The following DCLK1 variants were observed in gnomAD, a reference collection of about 807,000 sequenced individuals.
DCLK1 encodes the protein doublecortin like kinase 1.
In DCLK1, 16 loss-of-function variants were observed where a neutral mutation model predicts 86.2. The ratio of observed to expected loss-of-function variants is 0.19; its 90% CI spans 0.13 to 0.28. The LOEUF (loss-of-function observed/expected upper bound fraction) is 0.28. Ranked by LOEUF, DCLK1 falls within the 10% of genes least tolerant of loss-of-function variation. The pLI, the probability that DCLK1 is intolerant of heterozygous loss-of-function variation, is 1.00. For synonymous variants in DCLK1, 369 were observed against 370.5 expected (o/e 1.00, Z 0.05); for missense variants, 590 against 940.2 (o/e 0.63, Z 4.87).
chr13:35,907,236 C>T (rs919293994), intron 4 of DCLK1, among the ~76,000 whole-genome samples: 3 of 152,146 alleles, frequency 2.0e-5, no homozygotes, highest in Admixed American at 6.5e-5. Context: ...AATCATGGCT[C>T]ACTGCTCACT....
intron 4 of DCLK1, among the ~76,000 whole-genome samples, chr13:35,897,726 A>T (rs1172012563): frequency 6.6e-6 from 1 of 152,210 alleles, no homozygotes; most frequent in Non-Finnish European, 1.5e-5. Context: ...AGCAAAGCAT[A>T]AACATTTTAA....
intron 5 of DCLK1, among the ~76,000 whole-genome samples, chr13:35,860,868 G>T (rs893871636): frequency 6.6e-6 from 1 of 152,172 alleles, no homozygotes; most frequent in Admixed American, 6.5e-5. Flanking sequence ...GGCCAAATTG[G>T]GTGAGTGGGC....
intron 3 of DCLK1, among the ~76,000 whole-genome samples, chr13:35,978,464 C>T (rs1879468006): frequency 6.6e-6 from 1 of 151,984 alleles, no homozygotes; most frequent in East Asian, 1.9e-4. Flanking sequence ...CCTTGGCCTC[C>T]CAAAGTGCTG....
chr13:36,006,566 G>T (rs1168519079), intron 3 of DCLK1, among the ~76,000 whole-genome samples: 1 of 152,246 alleles, frequency 6.6e-6, no homozygotes, highest in African/African-American at 2.4e-5. Flanking sequence ...CATGTTTAAA[G>T]ACACCAGAGG....
chr13:35,940,966 G>A (rs1451442557), intron 4 of DCLK1, among the ~76,000 whole-genome samples: 3 of 152,102 alleles, frequency 2.0e-5, no homozygotes, highest in Non-Finnish European at 4.4e-5. Flanking sequence ...GGGTAATAAG[G>A]AACACAGTTT....
chr13:35,949,236 T>C (rs1365397449), intron 3 of DCLK1, among the ~76,000 whole-genome samples: 1 of 152,208 alleles, frequency 6.6e-6, no homozygotes, highest in Non-Finnish European at 1.5e-5. Context: ...TTCCAAATTC[T>C]CAAAACCCTT....
intron 3 of DCLK1, among the ~76,000 whole-genome samples, chr13:36,098,681 A>T (rs1003341750): frequency 1.3e-5 from 2 of 152,174 alleles, no homozygotes; most frequent in African/African-American, 2.4e-5. Context: ...GTGGGTGTAA[A>T]CATCTCCAAA....
At chr13:35,880,989 C>T (rs992261667) in intron 4 of DCLK1, among the ~76,000 whole-genome samples, 1 of 152,196 alleles carries the variant, frequency 6.6e-6, no homozygotes, top group African/African-American at 2.4e-5. Flanking sequence ...ACAATGCCCT[C>T]TTAGTCTTTA....
At chr13:35,881,080 C>G (rs1480564223) in intron 4 of DCLK1, among the ~76,000 whole-genome samples, 1 of 152,188 alleles carries the variant, frequency 6.6e-6, no homozygotes, top group African/African-American at 2.4e-5. Flanking sequence ...CTCTGGCTCA[C>G]GACCTGCAGC....
intron 3 of DCLK1, among the ~76,000 whole-genome samples, chr13:35,966,908 C>T (rs1185074652): frequency 1.3e-5 from 2 of 152,032 alleles, no homozygotes; most frequent in Admixed American, 6.5e-5. Flanking sequence ...GAGATTGCAG[C>T]CTCTGCCCGG....
At chr13:35,814,131 C>T (rs1421662151) in intron 11 of DCLK1, among the ~76,000 whole-genome samples, 1 of 152,138 alleles carries the variant, frequency 6.6e-6, no homozygotes, top group Non-Finnish European at 1.5e-5. Flanking sequence ...CTGCTACGGC[C>T]TGAGCTACGT....
At chr13:36,063,122 C>A (rs1341495802) in intron 3 of DCLK1, among the ~76,000 whole-genome samples, 1 of 152,144 alleles carries the variant, frequency 6.6e-6, no homozygotes. Context: ...TGAACTGATT[C>A]TGATGTTGAT....
chr13:35,984,565 C>T (rs981742226), intron 3 of DCLK1, among the ~76,000 whole-genome samples: 7 of 152,206 alleles, frequency 4.6e-5, no homozygotes, highest in Non-Finnish European at 1.0e-4. Flanking sequence ...ACTGCCTGAA[C>T]CGTCTGCCTC....
chr13:35,840,510 A>G (rs1267844591), intron 6 of DCLK1, among the ~76,000 whole-genome samples: 3 of 152,342 alleles, frequency 2.0e-5, no homozygotes, highest in East Asian at 3.9e-4. Flanking sequence ...TAGCAATAGT[A>G]CACCTGCTTT....
intron 15 of DCLK1, among the ~76,000 whole-genome samples, chr13:35,798,827 T>TTG (rs1566538110): frequency 6.6e-6 from 1 of 152,214 alleles, no homozygotes; most frequent in Non-Finnish European, 1.5e-5. Flanking sequence ...GTTTACATTT[T>TTG]TGTGTGTGTG....
intron 3 of DCLK1, among the ~76,000 whole-genome samples, chr13:35,974,449 C>A (rs988453022): frequency 8.5e-5 from 13 of 152,192 alleles, no homozygotes; most frequent in Admixed American, 2.0e-4. Flanking sequence ...AGCTCTATGT[C>A]CCCACCCAAG....
At chr13:36,005,452 T>G (rs569482929) in intron 3 of DCLK1, among the ~76,000 whole-genome samples, 2 of 152,228 alleles carry the variant, frequency 1.3e-5, no homozygotes, top group Non-Finnish European at 2.9e-5. Context: ...TAATCTTGCA[T>G]CTTGAAAGGC....
chr13:35,814,244 C>T (rs948658057), intron 11 of DCLK1, among the ~76,000 whole-genome samples: 47 of 152,242 alleles, frequency 3.1e-4, no homozygotes, highest in Middle Eastern at 6.8e-3. Context: ...CTAAATACAC[C>T]CATTTAAAGC....
chr13:35,998,370 C>T (rs372810054), intron 3 of DCLK1, among the ~76,000 whole-genome samples: 1 of 152,272 alleles, frequency 6.6e-6, no homozygotes, highest in East Asian at 1.9e-4. Flanking sequence ...CCTCTCCATT[C>T]AATATCTCCT....
Sources: gnomAD v4.1 joint callset for allele counts (sites outside exome capture counted in the v4.1 genomes callset) on GRCh38, gnomAD v4.1.1 for gene constraint, MANE v1.5 for transcripts, NCBI Gene and HGNC (gene_info 2026-07-23, HGNC 2026-07-21) for gene names.